The following DLC1 variants were observed in gnomAD, a reference collection of about 807,000 sequenced individuals.
The protein encoded by DLC1 is rho GTPase-activating protein 7.
Under a neutral mutation model 140.3 loss-of-function variants are expected in DLC1, and 54 were observed. That is an observed-to-expected ratio of 0.38 (90% CI 0.31 to 0.48). The LOEUF is 0.48. Ranked by LOEUF, DLC1 falls within the 20% of genes least tolerant of loss-of-function variation. The probability of loss-of-function intolerance (pLI) is 0.96; values close to 1 mark genes in which losing one functional copy is unlikely to be tolerated. For missense variants in DLC1, 2,536 were observed against 1,907.0 expected (o/e 1.33, Z -6.14); for synonymous variants, 986 against 728.1 (o/e 1.35, Z -5.70).
intron 4 of DLC1, among the ~76,000 whole-genome samples, chr8:13,350,807 G>A (rs1834622319): frequency 6.6e-6 from 1 of 152,194 alleles, no homozygotes; most frequent in Non-Finnish European, 1.5e-5. Context: ...CAGCTTGGAA[G>A]GTGGTAGCCT....
At chr8:13,247,802 C>G (rs981715562) in intron 5 of DLC1, among the ~76,000 whole-genome samples, 1 of 152,200 alleles carries the variant, frequency 6.6e-6, no homozygotes, top group African/African-American at 2.4e-5. Flanking sequence ...GGCTCACCAT[C>G]GTGCTACAAG....
Position 13,092,683 on chromosome 8 carries a change from G to A in DLC1, c.3669C>T (p.Thr1223=), listed in dbSNP as rs757976245. ...AAGGCGCTAAGCACACGGCCAGGTTGGTTGGGGTCATCTGGTTTTCTTTTA... is the reference window on the plus strand; with the variant it reads ...AAGGCGCTAAGCACACGGCCAGGTTAGTTGGGGTCATCTGGTTTTCTTTTA... ...AAVKENQMTP[T]NLAVCLAPSL... The change falls in exon 13 of 18, where the codon ACC becomes ACT. Residue 1223 remains threonine, a synonymous_variant. Transcript: ENST00000276297. 6 of 1,614,190 alleles carry A rather than the reference G, an allele frequency of 3.7e-6. No individual in the cohort carries two copies. The highest frequency in any genetic ancestry group is 5.1e-6 in the Non-Finnish European group (6 of 1,180,030).
intron 1 of DLC1, among the ~76,000 whole-genome samples, chr8:13,502,459 A>T (rs1478099542): frequency 6.6e-6 from 1 of 152,138 alleles, no homozygotes; most frequent in Non-Finnish European, 1.5e-5. Flanking sequence ...TTTTTAAAAA[A>T]ATGAATGTCT....
intron 3 of DLC1, among the ~76,000 whole-genome samples, chr8:13,395,519 A>G (rs1836999995): frequency 6.6e-6 from 1 of 152,198 alleles, no homozygotes; most frequent in South Asian, 2.1e-4. Flanking sequence ...AGGTGTTAGA[A>G]TAGTGCCTGG....
chr8:13,400,648 A>G (rs1837253126), intron 3 of DLC1, among the ~76,000 whole-genome samples: 1 of 152,214 alleles, frequency 6.6e-6, no homozygotes, highest in Admixed American at 6.5e-5. Context: ...GCTCAAATTT[A>G]TATATATGAT....
chr8:13,334,716 G>A (rs1450901389), intron 4 of DLC1, among the ~76,000 whole-genome samples: 1 of 152,202 alleles, frequency 6.6e-6, no homozygotes, highest in Non-Finnish European at 1.5e-5. Context: ...TTTGATCTTG[G>A]CTGAAAATCT....
chr8:13,585,401 T>TA (rs1805264914), intron 1 of DLC1, among the ~76,000 whole-genome samples: 1 of 151,774 alleles, frequency 6.6e-6, no homozygotes, highest in Non-Finnish European at 1.5e-5. Flanking sequence ...CTCATCTCTA[T>TA]AAAAAATTTA....
intron 5 of DLC1, among the ~76,000 whole-genome samples, chr8:13,295,446 A>T (rs577607901): frequency 6.6e-6 from 1 of 152,244 alleles, no homozygotes; most frequent in Non-Finnish European, 1.5e-5. Context: ...CTTCTCCTGC[A>T]TTAGATTAGA....
Position 13,098,589 on chromosome 8 carries a change from G to A in DLC1, c.2991-14C>T, listed in dbSNP as rs750569912. 31 of 1,608,558 alleles carry A rather than the reference G, an allele frequency of 1.9e-5. No individual in the cohort carries two copies. The highest frequency in any genetic ancestry group is 3.4e-5 in the Admixed American group (2 of 59,050). On this transcript the variant is annotated splice_polypyrimidine_tract_variant and intron_variant, in intron 9 of 17. Transcript: ENST00000276297. ...CTCAGTCGGTGCCTGCGAGAGAAGA[G>A]GAGAGGAAAATGAGTGTGAAGCCTT...
At chr8:13,533,133 C>T (rs977978936) in intron 1 of DLC1, among the ~76,000 whole-genome samples, 1 of 151,874 alleles carries the variant, frequency 6.6e-6, no homozygotes, top group Non-Finnish European at 1.5e-5. Context: ...GCCATAAAAC[C>T]ACCATGAAGT....
At chr8:13,525,851 C>A (rs1382816957) in intron 1 of DLC1, among the ~76,000 whole-genome samples, 4 of 151,792 alleles carry the variant, frequency 2.6e-5, no homozygotes, top group African/African-American at 9.7e-5. Flanking sequence ...GTGTTTTTTT[C>A]TTTTATGGAT....
At position 13,470,558 on chromosome 8, in the gene DLC1, A is replaced by G. The variant is rs563775896; in HGVS notation, c.1023+28491T>C. Among the ~76,000 whole-genome samples, 9 of 152,340 alleles carry G rather than the reference A, an allele frequency of 5.9e-5. 1 individual carries two copies. In the South Asian group the frequency reaches 1.9e-3, roughly 32 times the overall value. ...CATCAAGGAAATACAAATTAAAAGC[A>G]CAGTGAAATATTACCCCACACCTGT... is the stretch of plus-strand genomic sequence containing the variant. On this transcript the variant is annotated intron_variant, in intron 2 of 17. Transcript: ENST00000276297.
chr8:13,355,665 G>A (rs1411519041), intron 4 of DLC1, among the ~76,000 whole-genome samples: 2 of 152,112 alleles, frequency 1.3e-5, no homozygotes, highest in Non-Finnish European at 2.9e-5. Flanking sequence ...TATGAATTTT[G>A]CAAGGACCCA....
intron 5 of DLC1, among the ~76,000 whole-genome samples, chr8:13,208,198 T>G (rs1410632982): frequency 6.6e-6 from 1 of 152,170 alleles, no homozygotes; most frequent in Non-Finnish European, 1.5e-5. Context: ...CTAAACTGTT[T>G]AAAACATCAG....
chr8:13,434,998 A>G (rs913788363), intron 2 of DLC1, among the ~76,000 whole-genome samples: 1 of 152,176 alleles, frequency 6.6e-6, no homozygotes, highest in East Asian at 1.9e-4. Flanking sequence ...TTATTATTTA[A>G]GAAATACATT....
chr8:13,231,721 C>T (rs987998460), intron 5 of DLC1, among the ~76,000 whole-genome samples: 2 of 152,236 alleles, frequency 1.3e-5, no homozygotes, highest in African/African-American at 2.4e-5. Flanking sequence ...AGTCACAAGG[C>T]ATACATTATT....
rs988606431 is a variant in DLC1 at position 13,562,592 on chromosome 8, G to C, written c.-126+41945C>G. ...CATACCCTGCTGGCCAGGCTTTTGG[G>C]AACAGATGCTCCCATACATTGCTGG... On this transcript the variant is annotated intron_variant, in intron 1 of 1. Coordinates refer to the DLC1 transcript ENST00000631382. 2.6e-5 allele frequency among the ~76,000 whole-genome samples: 4 copies of C among 152,266 alleles called. No individual in the cohort carries two copies. The East Asian group carries it at 7.7e-4, about 29-fold the overall frequency.
intron 5 of DLC1, among the ~76,000 whole-genome samples, chr8:13,141,415 C>T (rs905646375): frequency 9.2e-5 from 14 of 152,170 alleles, no homozygotes; most frequent in African/African-American, 2.6e-4. Context: ...TAAATCAATC[C>T]TGGAAAATCT....
chr8:13,326,256 T>A (rs1833342571), intron 4 of DLC1, among the ~76,000 whole-genome samples: 2 of 152,162 alleles, frequency 1.3e-5, no homozygotes, highest in East Asian at 1.9e-4. Context: ...TCACTAAATA[T>A]TCAAGAGAGA....
Sources: allele counts gnomAD v4.1 joint callset (sites outside exome capture counted in the v4.1 genomes callset), GRCh38; gene constraint gnomAD v4.1.1; transcripts MANE v1.5; gene names NCBI Gene and HGNC (gene_info 2026-07-23, HGNC 2026-07-21).